TNRC6C: variants seen among roughly 807,000 people sequenced by gnomAD.
TNRC6C encodes trinucleotide repeat containing adaptor 6C, also known as trinucleotide repeat-containing gene 6C protein.
A neutral mutation model predicts 153.7 loss-of-function variants in TNRC6C; 20 were observed. The ratio of observed to expected loss-of-function variants is 0.13; its 90% CI spans 0.09 to 0.19. The LOEUF (loss-of-function observed/expected upper bound fraction) is 0.19. TNRC6C is among the 10% of genes least tolerant of loss of function. The probability of loss-of-function intolerance (pLI) is 1.00; values close to 1 mark genes in which losing one functional copy is unlikely to be tolerated. For synonymous variants in TNRC6C, 811 were observed against 841.4 expected, an observed-to-expected ratio of 0.96 and a Z score of 0.63; for missense variants, 1,987 against 2,172.0, an observed-to-expected ratio of 0.91 and a Z score of 1.69.
intron 1 of TNRC6C, among the ~76,000 whole-genome samples, chr17:78,012,671 G>A (rs1057171461): frequency 6.6e-6 from 1 of 152,148 alleles, no homozygotes; most frequent in African/African-American, 2.4e-5. Flanking sequence ...GGCCAGTGGC[G>A]GATAGGGAGC....
chr17:78,002,992 A>G (rs1313921071), upstream of TNRC6C, among the ~76,000 whole-genome samples: 1 of 152,194 alleles, frequency 6.6e-6, no homozygotes, highest in Non-Finnish European at 1.5e-5. Context: ...AACAGGTGCC[A>G]TGTAAATAGT....
At chr17:78,012,761 G>C (rs2071659052) in intron 1 of TNRC6C, among the ~76,000 whole-genome samples, 2 of 152,216 alleles carry the variant, frequency 1.3e-5, no homozygotes, top group Non-Finnish European at 1.5e-5. Context: ...CAGAGGAGCT[G>C]CTGAGTGAGG....
At chr17:77,996,949 A>G (rs953944622) in intron 1 of TNRC6C, among the ~76,000 whole-genome samples, 2 of 152,202 alleles carry the variant, frequency 1.3e-5, no homozygotes, top group Non-Finnish European at 2.9e-5. Flanking sequence ...ACAGTTCATC[A>G]ACCTTATTTC....
rs1276996094 is a variant in TNRC6C at position 78,073,107 on chromosome 17, A to G, written c.2917+13A>G. 1.3e-6 allele frequency: 2 copies of G among 1,550,512 alleles called. No individual in the cohort carries two copies. Among genetic ancestry groups the G allele is most frequent in the East Asian group, 2.4e-5 (1 of 41,284 alleles). On this transcript the variant is annotated intron_variant, in intron 7 of 19. Coordinates refer to ENST00000301624, the Ensembl canonical transcript of TNRC6C. ...GATCAGGCCATGAGTAAGTCATACA[A>G]CATCCTTTTTAAAAAGGTACCCAGC...
chr17:78,060,282 A>G (rs2072740430), intron 3 of TNRC6C, among the ~76,000 whole-genome samples: 1 of 152,164 alleles, frequency 6.6e-6, no homozygotes, highest in Non-Finnish European at 1.5e-5. Flanking sequence ...ACAGCTATCA[A>G]TTCTGCTCTG....
intron 18 of TNRC6C, 189 bp downstream of exon 21, chr17:78,102,733 C>G (rs1051228224): frequency 3.6e-6 from 2 of 560,272 alleles, no homozygotes; most frequent in Non-Finnish European, 3.1e-6. Context: ...CAGATGGGGC[C>G]CAGGGGCCTC....
chr17:78,085,224 T>C lies in TNRC6C; in HGVS notation c.3478-1279T>C, dbSNP rs557046522. Among the ~76,000 whole-genome samples the C allele has an allele frequency of 1.9e-3, 294 of 152,352 alleles. 4 individuals carry two copies. The highest frequency in any genetic ancestry group is 2.9e-3 in the Non-Finnish European group (194 of 68,034). On this transcript the variant is annotated intron_variant, in intron 11 of 19. Coordinates refer to ENST00000301624, the Ensembl canonical transcript of TNRC6C. ...CTGATGTGCTAGAATCTTTTAGTTA[T>C]ACAGTAAGTTTTTATTGACCTCTAT...
intron 2 of TNRC6C, among the ~76,000 whole-genome samples, chr17:78,044,175 A>G (rs79338146): frequency 0.06 from 9,116 of 152,262 alleles, 680 homozygotes; most frequent in African/African-American, 0.18. Context: ...ATTTTGAGCT[A>G]TCAGTTCCTC....
chr17:78,037,766 CA>C (rs1454998795), intron 2 of TNRC6C, among the ~76,000 whole-genome samples: 13 of 152,134 alleles, frequency 8.5e-5, no homozygotes, highest in Non-Finnish European at 1.8e-4. Context: ...AAATTAAATT[CA>C]GATTTAAAGC....
chr17:78,100,387 G>T lies in TNRC6C; in HGVS notation c.4501+1850G>T, dbSNP rs1035578059. ...TATATCCTCTGAAATCTAGGTGGAG[G>T]TTCCCAAACCTCAGTTCTTCACTTC... On this transcript the variant is annotated intron_variant, in intron 17 of 19. Coordinates refer to ENST00000301624, the Ensembl canonical transcript of TNRC6C. 1.2e-4 allele frequency among the ~76,000 whole-genome samples: 19 copies of T among 152,238 alleles called. 1 individual carries two copies. The highest frequency in any genetic ancestry group is 2.6e-4 in the Non-Finnish European group (18 of 68,044).
rs550690147 is a variant in TNRC6C at position 78,027,903 on chromosome 17, GTTT to G, written c.-545-3597_-545-3595del. On this transcript the variant is annotated intron_variant, in intron 1 of 19. Transcript: ENST00000301624. ...TATCTGTAGTGACAGAAACTTGGAG[GTTT>G]TTTTTTTTTTTTTTTGAGATGGAGT... Among the ~76,000 whole-genome samples, 802 of 136,544 alleles carry G rather than the reference GTTT, an allele frequency of 5.9e-3. 6 individuals carry two copies. The highest frequency in any genetic ancestry group is 0.021 in the African/African-American group (750 of 36,276). The allele number at this position is 136,544 out of a possible 152,430, so 89.6% of individuals were successfully genotyped here.
At chr17:78,105,951 TA>T (rs2073686192) in exon 20 of TNRC6C, 1 of 151,852 alleles carries the variant, frequency 6.6e-6, no homozygotes, top group South Asian at 2.1e-4. Flanking sequence ...TCTGGAGAAA[TA>T]ACATGTATAC....
chr17:78,061,481 G>A (rs1357159568), intron 3 of TNRC6C, among the ~76,000 whole-genome samples: 2 of 152,156 alleles, frequency 1.3e-5, no homozygotes, highest in African/African-American at 4.8e-5. Context: ...CTGTTAGGAT[G>A]GCATTGTAGG....
chr17:77,970,655 T>TTG lies in TNRC6C; in HGVS notation c.-38+11403_-38+11404dup, dbSNP rs113276737. Among the ~76,000 whole-genome samples the TTG allele has an allele frequency of 2.0e-3, 297 of 150,982 alleles. 2 individuals are homozygous for TTG. The highest frequency in any genetic ancestry group is 4.6e-3 in the African/African-American group (189 of 41,178). On this transcript the variant is annotated intron_variant, in intron 1 of 22. Coordinates refer to the TNRC6C transcript ENST00000636222. ...AAACTTTCTTAAAATACTATGAGAT[T>TTG]TGTGTGTGTGTGTGTGTATGTGTGT...
chr17:77,959,813 C>A (rs2070846861), intron 1 of TNRC6C, among the ~76,000 whole-genome samples: 1 of 152,214 alleles, frequency 6.6e-6, no homozygotes, highest in South Asian at 2.1e-4. Context: ...CGTACAACAT[C>A]TGTCCTGTTA....
At chr17:78,085,732 T>C (rs1008149695) in intron 11 of TNRC6C, among the ~76,000 whole-genome samples, 7 of 152,184 alleles carry the variant, frequency 4.6e-5, no homozygotes, top group African/African-American at 1.7e-4. Flanking sequence ...AACCACGTTG[T>C]TTAACACACA....
chr17:78,092,974 T>A lies in TNRC6C; in HGVS notation c.4012T>A (p.Ser1338Thr), dbSNP rs2073419510. The A allele has an allele frequency of 2.5e-6, 4 of 1,613,728 alleles. No homozygotes were observed. The South Asian group carries it at 4.4e-5, about 18-fold the overall frequency. Residue 1338 changes from serine to threonine, a missense_variant, in exon 15 of 20, where the codon TCC becomes ACC. By Grantham distance (58) the Ser-to-Thr change is moderately conservative (BLOSUM62 1). Coordinates refer to ENST00000301624, the Ensembl canonical transcript of TNRC6C. ...TCTAAGCATTGGGCCTCCAGGTAAG[T>A]CCTCCATTGATGACTCCTATGGCCG...
chr17:78,045,593 A>G (rs946051154), intron 2 of TNRC6C, among the ~76,000 whole-genome samples: 1 of 152,198 alleles, frequency 6.6e-6, no homozygotes, highest in African/African-American at 2.4e-5. Context: ...TAGAACTCAG[A>G]TTGTAGCACT....
At chr17:78,006,897 C>T (rs933279629) in intron 1 of TNRC6C, among the ~76,000 whole-genome samples, 6 of 150,326 alleles carry the variant, frequency 4.0e-5, no homozygotes, top group Non-Finnish European at 8.9e-5. Context: ...GGCATGATCT[C>T]GGCTCACTGC....
Sources: gnomAD v4.1 joint callset for allele counts (sites outside exome capture counted in the v4.1 genomes callset) on GRCh38, gnomAD v4.1.1 for gene constraint, MANE v1.5 for transcripts, NCBI Gene and HGNC (gene_info 2026-07-23, HGNC 2026-07-21) for gene names.